Variants in MEGF10 observed in about 807,000 individuals in gnomAD.
MEGF10 encodes the protein multiple epidermal growth factor-like domains protein 10.
Under a neutral mutation model 147.5 loss-of-function variants are expected in MEGF10, and 86 were observed. That is an observed-to-expected ratio of 0.58 (90% CI 0.49 to 0.70). The LOEUF is 0.70. Ranked by LOEUF, MEGF10 falls within the 30% of genes least tolerant of loss-of-function variation. The probability of loss-of-function intolerance (pLI) is 0.00; values close to 1 mark genes in which losing one functional copy is unlikely to be tolerated. For missense variants in MEGF10, 1,329 were observed against 1,487.3 expected, an observed-to-expected ratio of 0.89 and a Z score of 1.75; for synonymous variants, 478 against 525.5, an observed-to-expected ratio of 0.91 and a Z score of 1.24.
the MEGF10 span, among the ~76,000 whole-genome samples, chr5:127,281,207 G>A: frequency 0.55 from 83,718 of 151,976 alleles, 23,463 homozygotes; most frequent in Middle Eastern, 0.71. Flanking sequence ...CTAGTCTTCC[G>A]GCCCTCTGGG....
intron 8 of MEGF10, 139 bp from the exon 9 acceptor site, chr5:127,410,250 G>A: frequency 8.2e-6 from 6 of 734,134 alleles, no homozygotes; most frequent in Non-Finnish European, 1.4e-5. Flanking sequence ...TTTCATCCGT[G>A]TAATGGGACA....
intron 8 of MEGF10, among the ~76,000 whole-genome samples, chr5:127,407,014 C>T (rs559148059): frequency 1.4e-4 from 21 of 152,210 alleles, no homozygotes; most frequent in South Asian, 8.3e-4. Context: ...CAAAACAGCT[C>T]TGCCAAGTCT....
chr5:127,317,481 A>C (rs949141673), intron 1 of MEGF10, among the ~76,000 whole-genome samples: 1 of 152,138 alleles, frequency 6.6e-6, no homozygotes, highest in Non-Finnish European at 1.5e-5. Context: ...TCTTGAATTA[A>C]TTTTTTTATA....
intron 1 of MEGF10, among the ~76,000 whole-genome samples, chr5:127,315,603 C>G (rs79471069): frequency 6.6e-6 from 1 of 152,068 alleles, no homozygotes; most frequent in African/African-American, 2.4e-5. Flanking sequence ...TGATGAGACC[C>G]GTCTCTACAA....
At chr5:127,304,548 C>T (rs1759928145) in intron 1 of MEGF10, among the ~76,000 whole-genome samples, 2 of 152,182 alleles carry the variant, frequency 1.3e-5, no homozygotes, top group African/African-American at 4.8e-5. Flanking sequence ...GGCTGGAGGG[C>T]AGTGGCATCG....
At chr5:127,433,280 G>T in intron 13 of MEGF10, 83 bp from the exon 14 acceptor site, 1 of 1,560,924 alleles carries the variant, frequency 6.4e-7, no homozygotes. Context: ...AACACTGTGA[G>T]CTTAGTCCTC....
At chr5:127,269,830 A>G in the MEGF10 span, among the ~76,000 whole-genome samples, 33 of 152,338 alleles carry the variant, frequency 2.2e-4, no homozygotes, top group African/African-American at 7.5e-4. Flanking sequence ...GGGCAGCCAG[A>G]GAGAAAGGTC....
chr5:127,368,841 G>T (rs1177444920), intron 4 of MEGF10, among the ~76,000 whole-genome samples: 1 of 151,938 alleles, frequency 6.6e-6, no homozygotes, highest in Non-Finnish European at 1.5e-5. Flanking sequence ...AAATATTACT[G>T]CCATTATATT....
At chr5:127,231,375 C>G in the MEGF10 span, among the ~76,000 whole-genome samples, 1 of 152,154 alleles carries the variant, frequency 6.6e-6, no homozygotes, top group Non-Finnish European at 1.5e-5. Flanking sequence ...TGGCCTCCTT[C>G]CTGTGTCTTG....
chr5:127,427,502 C>T (rs1169589250), intron 13 of MEGF10, among the ~76,000 whole-genome samples: 1 of 151,852 alleles, frequency 6.6e-6, no homozygotes, highest in Non-Finnish European at 1.5e-5. Flanking sequence ...CTCATCTGAG[C>T]CCAGCCAGGA....
Position 127,424,820 on chromosome 5 carries a change from A to C in MEGF10, c.1693+2048A>C, listed in dbSNP as rs1281700213. On this transcript the variant is annotated intron_variant, in intron 13 of 24. Transcript: ENST00000503335. ...CTTGGCTCTTCATCCCCAAATGTTA[A>C]AACTGCATCAACTAGGGATTGAACC... 1.9e-5 allele frequency: 3 copies of C among 154,008 alleles called. No homozygotes were observed. In the East Asian group the frequency reaches 5.7e-4, roughly 29 times the overall value. 9.5% of individuals were successfully genotyped at this position (154,008 alleles called of 1,614,324 possible). A position where few individuals can be genotyped will look rare whatever the true frequency, so the allele number is the denominator to read the frequency against.
chr5:127,409,704 A>C (rs1764481070), intron 8 of MEGF10: 1 of 153,010 alleles, frequency 6.5e-6, no homozygotes, highest in African/African-American at 2.4e-5. Context: ...AACAGAGGGC[A>C]ATACCCCACT....
intron 4 of MEGF10, among the ~76,000 whole-genome samples, chr5:127,341,934 G>A (rs1032872694): frequency 1.3e-5 from 2 of 152,098 alleles, no homozygotes; most frequent in African/African-American, 4.8e-5. Context: ...ATTAAGTAAA[G>A]ATAAATTCCT....
chr5:127,452,485 G>A (rs117300792), intron 22 of MEGF10, among the ~76,000 whole-genome samples: 3,918 of 152,266 alleles, frequency 0.026, 49 homozygotes, highest in East Asian at 0.045. Flanking sequence ...CAAGTTGAAA[G>A]ATCACCAAGA....
chr5:127,287,452 A>G (rs1344061976), upstream of MEGF10, among the ~76,000 whole-genome samples: 2 of 152,040 alleles, frequency 1.3e-5, no homozygotes, highest in African/African-American at 4.8e-5. Flanking sequence ...AGCAATGAAC[A>G]ATTGGAAACA....
rs564635601 is a variant in MEGF10 at position 127,418,075 on chromosome 5, T to C, written c.1305+263T>C. Among the ~76,000 whole-genome samples the C allele has an allele frequency of 1.2e-3, 178 of 152,366 alleles. 1 individual carries two copies. The highest frequency in any genetic ancestry group is 3.9e-3 in the African/African-American group (164 of 41,588). ...ATGTCAGAAAGCATATTATAATTAT[T>C]CCTTAAGTAATTTATTTTATTGTGT... On this transcript the variant is annotated intron_variant, in intron 10 of 24. Transcript: ENST00000503335.
At chr5:127,230,198 C>T in the MEGF10 span, among the ~76,000 whole-genome samples, 3 of 152,122 alleles carry the variant, frequency 2.0e-5, no homozygotes, top group Admixed American at 6.5e-5. Context: ...CTCTCATCAG[C>T]AGCCATTCCA....
chr5:127,273,495 G>T, the MEGF10 span, among the ~76,000 whole-genome samples: 1 of 152,172 alleles, frequency 6.6e-6, no homozygotes, highest in Non-Finnish European at 1.5e-5. Flanking sequence ...CTTCTAATTG[G>T]CCATCTTGGA....
At chr5:127,431,205 G>A (rs1765377708) in intron 13 of MEGF10, among the ~76,000 whole-genome samples, 1 of 152,108 alleles carries the variant, frequency 6.6e-6, no homozygotes, top group Admixed American at 6.5e-5. Flanking sequence ...ACCTCTTAAG[G>A]GAAGAAGAAT....
Sources: gnomAD v4.1 joint callset for allele counts (sites outside exome capture counted in the v4.1 genomes callset) on GRCh38, gnomAD v4.1.1 for gene constraint, MANE v1.5 for transcripts, NCBI Gene and HGNC (gene_info 2026-07-23, HGNC 2026-07-21) for gene names.